Variants in NELL2 observed in about 807,000 individuals in gnomAD.
NELL2 encodes the protein protein kinase C-binding protein NELL2.
NELL2 carries 41 observed loss-of-function variants against 109.6 expected under a neutral mutation model. The ratio of observed to expected loss-of-function variants is 0.37; its 90% confidence interval spans 0.29 to 0.49. The LOEUF is 0.49. Among genes scored for constraint, NELL2 ranks in the 20% least tolerant of loss-of-function variants. The pLI, the probability that NELL2 is intolerant of heterozygous loss-of-function variation, is 0.98. For missense variants in NELL2, 900 were observed against 1,008.3 expected (o/e 0.89, Z 1.45); for synonymous variants, 355 against 344.7 (o/e 1.03, Z -0.33).
intron 15 of NELL2, among the ~76,000 whole-genome samples, chr12:44,574,287 T>A (rs1012133580): frequency 6.6e-6 from 1 of 152,044 alleles, no homozygotes; most frequent in African/African-American, 2.4e-5. Context: ...TTATTTTTAT[T>A]ATATGTTCAC....
intron 12 of NELL2, among the ~76,000 whole-genome samples, chr12:44,687,300 C>T (rs1260276199): frequency 6.6e-6 from 1 of 152,216 alleles, no homozygotes; most frequent in East Asian, 1.9e-4. Flanking sequence ...CCTGCGCCCA[C>T]TGTCTGGCAC....
chr12:44,756,441 T>C (rs913044900), intron 9 of NELL2, among the ~76,000 whole-genome samples: 2 of 152,036 alleles, frequency 1.3e-5, no homozygotes, highest in Non-Finnish European at 2.9e-5. Context: ...TACATGTGCA[T>C]CCAGTAACTA....
chr12:44,885,306 A>G (rs1945458222), intron 1 of NELL2, among the ~76,000 whole-genome samples: 2 of 151,944 alleles, frequency 1.3e-5, no homozygotes, highest in African/African-American at 4.8e-5. Context: ...ATTAAAATTA[A>G]AAAGAAATAA....
chr12:44,875,692 AC>A (rs1206616448), intron 1 of NELL2, 122 bp downstream of exon 1: 1 of 1,591,334 alleles, frequency 6.3e-7, no homozygotes, highest in African/African-American at 1.4e-5. Flanking sequence ...CCGCCCCCTT[AC>A]TCCAAGCTTC....
In NELL2 at chr12:44,703,826, G is replaced by A. The variant is rs370216357; in HGVS notation, c.1218C>T (p.Asn406=). 6.2e-7 allele frequency: 1 copy of A among 1,612,878 alleles called. No individual in the cohort carries two copies. The highest frequency in any genetic ancestry group is 1.1e-5 in the South Asian group (1 of 91,064). ...KGYDFCSERH[N]CMENSICRNL... is the part of the protein sequence containing the mutation. The stretch of plus-strand genomic sequence containing the variant: ...TTCTGCAGATGGAATTCTCCATGCA[G>A]TTATGCCTTTCAGAACAAAAGTCAT... The change falls in exon 12 of 20, where the codon AAC becomes AAT. Residue 406 remains asparagine (N), a synonymous_variant. Coordinates refer to ENST00000429094, the MANE Select transcript of NELL2 (RefSeq NM_001145108.2).
intron 13 of NELL2, among the ~76,000 whole-genome samples, chr12:44,649,658 C>T (rs967628077): frequency 5.3e-5 from 8 of 152,184 alleles, no homozygotes; most frequent in African/African-American, 1.9e-4. Flanking sequence ...GCTCCTCAAG[C>T]TTTATGTGTA....
intron 13 of NELL2, among the ~76,000 whole-genome samples, chr12:44,620,318 C>T (rs188417566): frequency 2.6e-4 from 40 of 152,204 alleles, no homozygotes; most frequent in African/African-American, 9.4e-4. Context: ...TCACCCTCAA[C>T]ATCCAAAACA....
intron 12 of NELL2, among the ~76,000 whole-genome samples, chr12:44,685,047 GAGTCTA>G (rs1307692002): frequency 1.3e-5 from 2 of 152,012 alleles, no homozygotes; most frequent in African/African-American, 2.4e-5. Context: ...TATTGTGTGG[GAGTCTA>G]AGTCTCTTTG....
At chr12:44,699,731 C>T (rs1464234582) in intron 12 of NELL2, among the ~76,000 whole-genome samples, 1 of 152,104 alleles carries the variant, frequency 6.6e-6, no homozygotes, top group African/African-American at 2.4e-5. Context: ...CAAAGGACAT[C>T]TTTCAGTCTT....
intron 15 of NELL2, among the ~76,000 whole-genome samples, chr12:44,599,111 G>A (rs921605953): frequency 5.3e-5 from 8 of 151,972 alleles, no homozygotes; most frequent in East Asian, 1.9e-4. Context: ...CTACACCTGC[G>A]GAAACAAATG....
chr12:44,811,221 TG>T (rs1190775454), intron 3 of NELL2, among the ~76,000 whole-genome samples: 1 of 151,164 alleles, frequency 6.6e-6, no homozygotes, highest in African/African-American at 2.4e-5. Context: ...AAATACCTAG[TG>T]CTTGCAGGGC....
Position 44,815,983 on chromosome 12 carries a change from T to C in NELL2, c.335+3A>G, listed in dbSNP as rs1943333453. ...CACAGGAAACTCCAGCAACCACATT[T>C]ACCTGTGATCCAAGTGGTGAATTGA... On this transcript the variant is annotated splice_donor_region_variant and intron_variant, in intron 3 of 19. Transcript: ENST00000429094. 1 of 1,609,662 alleles carries C rather than the reference T, an allele frequency of 6.2e-7. No homozygotes were observed. The highest frequency in any genetic ancestry group is 8.5e-7 in the Non-Finnish European group (1 of 1,178,872).
At position 44,823,843 on chromosome 12, in the gene NELL2, C is replaced by T. The variant is rs183389721; in HGVS notation, c.185-7707G>A. Reference sequence around the variant, plus strand: ...TTTTCATAATGGCTGTACCAATTTACGTTCAAACCAACAGTGCACAAGGGT... The same window carrying T: ...TTTTCATAATGGCTGTACCAATTTATGTTCAAACCAACAGTGCACAAGGGT... On this transcript the variant is annotated intron_variant, in intron 2 of 19. Transcript: ENST00000429094. 1.9e-3 allele frequency among the ~76,000 whole-genome samples: 285 copies of T among 152,298 alleles called. 4 individuals carry two copies. Among genetic ancestry groups the T allele is most frequent in the Admixed American group, 0.017 (263 of 15,296 alleles).
chr12:44,627,399 C>G (rs947178676), intron 13 of NELL2, among the ~76,000 whole-genome samples: 4 of 146,352 alleles, frequency 2.7e-5, no homozygotes, highest in African/African-American at 1.0e-4. Flanking sequence ...TAAAGAGGCA[C>G]AGAATACTTC....
At chr12:44,566,452 A>G (rs1943661049) in intron 15 of NELL2, among the ~76,000 whole-genome samples, 1 of 152,116 alleles carries the variant, frequency 6.6e-6, no homozygotes. Flanking sequence ...GGATGAAGTT[A>G]ATCAGGAAAA....
intron 9 of NELL2, among the ~76,000 whole-genome samples, chr12:44,745,688 C>A (rs137864535): frequency 0.021 from 3,183 of 152,184 alleles, 107 homozygotes; most frequent in African/African-American, 0.07. Context: ...CAGTGAACTC[C>A]CATTCACAAT....
intron 13 of NELL2, among the ~76,000 whole-genome samples, chr12:44,637,815 A>T (rs1042605747): frequency 2.0e-5 from 3 of 151,904 alleles, no homozygotes; most frequent in African/African-American, 7.2e-5. Context: ...CATCTTAATG[A>T]GAAAAAAAGT....
intron 1 of NELL2, among the ~76,000 whole-genome samples, chr12:44,896,064 TG>T (rs1196351410): frequency 1.2e-4 from 19 of 152,270 alleles, no homozygotes; most frequent in African/African-American, 3.8e-4. Context: ...GAGATTTCCA[TG>T]TAGGTCAAAG....
chr12:44,541,455 A>C (rs1942568163), intron 15 of NELL2, among the ~76,000 whole-genome samples: 1 of 152,058 alleles, frequency 6.6e-6, no homozygotes, highest in Non-Finnish European at 1.5e-5. Context: ...TAAAAAATGC[A>C]ATGTTAAGAC....
Sources: gnomAD v4.1 joint callset for allele counts (sites outside exome capture counted in the v4.1 genomes callset) on GRCh38, gnomAD v4.1.1 for gene constraint, MANE v1.5 for transcripts, NCBI Gene and HGNC (gene_info 2026-07-23, HGNC 2026-07-21) for gene names.